The following GRIP1 variants were observed in gnomAD, a reference collection of about 807,000 sequenced individuals.
GRIP1 encodes glutamate receptor interacting protein 1, also known as glutamate receptor-interacting protein 1.
GRIP1 carries 45 observed loss-of-function variants against 129.9 expected under a neutral mutation model. The ratio of observed to expected loss-of-function variants is 0.35; its 90% CI spans 0.27 to 0.44. The LOEUF (loss-of-function observed/expected upper bound fraction) is 0.44. Among genes scored for constraint, GRIP1 ranks in the 20% least tolerant of loss-of-function variants. GRIP1 has a pLI of 1.00. For missense variants in GRIP1, 1,196 were observed against 1,396.8 expected (o/e 0.86, Z 2.29); for synonymous variants, 530 against 520.8 (o/e 1.02, Z -0.24).
intron 1 of GRIP1, among the ~76,000 whole-genome samples, chr12:66,940,166 G>A (rs905120079): frequency 6.6e-6 from 1 of 152,124 alleles, no homozygotes; most frequent in African/African-American, 2.4e-5. Context: ...GTGTGTGTGT[G>A]TGTTTGGAGC....
chr12:66,718,835 AGAGT>A (rs1328414275), intron 1 of GRIP1, among the ~76,000 whole-genome samples: 8 of 152,124 alleles, frequency 5.3e-5, no homozygotes, highest in Non-Finnish European at 2.9e-5. Flanking sequence ...CTGGGCAAAA[AGAGT>A]GAAACTCCAT....
intron 2 of GRIP1, among the ~76,000 whole-genome samples, chr12:66,585,059 T>G (rs1382736343): frequency 6.6e-6 from 1 of 152,136 alleles, no homozygotes; most frequent in African/African-American, 2.4e-5. Context: ...GATTATTTTA[T>G]TATTTTATCA....
chr12:66,456,262 A>G lies in GRIP1; in HGVS notation c.1123T>C (p.Tyr375His), dbSNP rs1418099585. The G allele has an allele frequency of 7.8e-7, 1 of 1,289,510 alleles. No individual in the cohort carries two copies. The highest frequency in any genetic ancestry group is 2.3e-5 in the Admixed American group (1 of 43,562). 79.9% of individuals were successfully genotyped at this position (1,289,510 alleles called of 1,614,324 possible). Residue 375 changes from tyrosine to histidine, a missense_variant, in exon 10 of 25, where the codon TAT (tyrosine) becomes CAT (histidine). By Grantham distance (83) the Tyr-to-His change is moderately conservative. This residue lies in a region of GRIP1 where 508 missense variants were observed against 587.0 expected (regional missense o/e 0.87). Coordinates refer to ENST00000359742, the MANE Select transcript of GRIP1 (RefSeq NM_001366722.1). ...CAATGGTCAGGGTGGTACGTGTTAT[A>G]GTGATGGTTGGTGTGAAGGCTGCTG... The part of the protein sequence containing the change: ...NHSSLHTNHH[Y>H]NTYHPDHCRV...
At chr12:66,424,432 T>C (rs2057914641) in intron 14 of GRIP1, among the ~76,000 whole-genome samples, 1 of 152,218 alleles carries the variant, frequency 6.6e-6, no homozygotes, top group African/African-American at 2.4e-5. Flanking sequence ...TCCATATTGC[T>C]AAATAATATA....
chr12:67,066,909 T>TATATATATAC (rs1555170047), intron 1 of GRIP1, among the ~76,000 whole-genome samples: 1 of 142,068 alleles, frequency 7.0e-6, no homozygotes, highest in African/African-American at 2.7e-5. Context: ...TATATATATA[T>TATATATATAC]ATACACACAC....
At chr12:66,377,569 G>C (rs1392319567) in intron 20 of GRIP1, among the ~76,000 whole-genome samples, 1 of 146,000 alleles carries the variant, frequency 6.8e-6, no homozygotes, top group Admixed American at 7.0e-5. Context: ...TCGATCTCCT[G>C]ACTTCGTGAT....
intron 1 of GRIP1, among the ~76,000 whole-genome samples, chr12:66,901,664 A>G (rs1033813911): frequency 1.3e-5 from 2 of 152,170 alleles, no homozygotes; most frequent in Non-Finnish European, 2.9e-5. Context: ...GACCTTTACA[A>G]TCAGGAACTA....
intron 1 of GRIP1, among the ~76,000 whole-genome samples, chr12:66,708,516 T>A (rs777259575): frequency 4.0e-5 from 6 of 151,876 alleles, no homozygotes; most frequent in Non-Finnish European, 8.8e-5. Context: ...CGGGCCTAGG[T>A]AGAAAATTAA....
chr12:66,686,570 C>CT (rs1191042128), intron 1 of GRIP1, among the ~76,000 whole-genome samples: 1 of 152,224 alleles, frequency 6.6e-6, no homozygotes, highest in Non-Finnish European at 1.5e-5. Context: ...AACCTGCTTG[C>CT]TGTTCCAGCT....
intron 1 of GRIP1, among the ~76,000 whole-genome samples, chr12:66,651,097 T>G (rs1006100689): frequency 2.0e-5 from 3 of 152,194 alleles, no homozygotes; most frequent in African/African-American, 7.2e-5. Flanking sequence ...TAGCTCCTCC[T>G]AGTAGAACAT....
Position 66,385,357 on chromosome 12 carries a change from G to A in GRIP1, c.2465-5921C>T, listed in dbSNP as rs1302480926. On this transcript the variant is annotated intron_variant, in intron 19 of 24. Coordinates refer to ENST00000359742, the MANE Select transcript of GRIP1 (RefSeq NM_001366722.1). Reference sequence around the variant, plus strand: ...TCAAGACCAGCCTGGACAACATGGCGAAACACCATCTCTACTAAAAACATA... The same window carrying A: ...TCAAGACCAGCCTGGACAACATGGCAAAACACCATCTCTACTAAAAACATA... Among the ~76,000 whole-genome samples, 3 of 151,990 alleles carry A rather than the reference G, an allele frequency of 2.0e-5. 1 individual carries two copies. The highest frequency in any genetic ancestry group is 4.4e-5 in the Non-Finnish European group (3 of 67,960).
At chr12:66,665,351 A>G (rs2033737746) in intron 1 of GRIP1, among the ~76,000 whole-genome samples, 1 of 152,212 alleles carries the variant, frequency 6.6e-6, no homozygotes, top group African/African-American at 2.4e-5. Context: ...AAAGAATAGT[A>G]CACAATTCAA....
intron 1 of GRIP1, among the ~76,000 whole-genome samples, chr12:67,004,026 C>A (rs939095989): frequency 6.6e-6 from 1 of 152,190 alleles, no homozygotes; most frequent in Non-Finnish European, 1.5e-5. Context: ...TCCGTCTTCA[C>A]ATCACCTTCT....
intron 7 of GRIP1, among the ~76,000 whole-genome samples, chr12:66,486,111 G>A (rs567325033): frequency 6.6e-6 from 1 of 151,968 alleles, no homozygotes; most frequent in South Asian, 2.1e-4. Context: ...CTTTTAGTGT[G>A]GTTTTACTGT....
chr12:67,056,766 A>G (rs937122122), intron 1 of GRIP1, among the ~76,000 whole-genome samples: 2 of 152,148 alleles, frequency 1.3e-5, no homozygotes, highest in African/African-American at 4.8e-5. Flanking sequence ...TATGCCACTG[A>G]ATAATCTTCC....
chr12:66,475,620 C>T (rs11176211), intron 7 of GRIP1, among the ~76,000 whole-genome samples: 6,576 of 152,220 alleles, frequency 0.043, 358 homozygotes, highest in African/African-American at 0.12. Flanking sequence ...GAAATTATAA[C>T]AAACTGTCTC....
rs180676798 is a variant in GRIP1, at chr12:66,555,448, G to A, written c.137-13498C>T. 9.2e-5 allele frequency among the ~76,000 whole-genome samples: 14 copies of A among 152,250 alleles called. No homozygotes were observed. The East Asian group carries it at 2.7e-3, about 29-fold the overall frequency. ...TGCAGAGCTCTCCCAAGAAGGATGGGTACAAACAAGCCCAGACTGCGACGA... is the reference window on the plus strand; with the variant it reads ...TGCAGAGCTCTCCCAAGAAGGATGGATACAAACAAGCCCAGACTGCGACGA... On this transcript the variant is annotated intron_variant, in intron 2 of 24. Coordinates refer to ENST00000359742, the MANE Select transcript of GRIP1 (RefSeq NM_001366722.1).
rs767056094 is a variant in GRIP1 at position 66,596,925 on chromosome 12, C to T, written c.58G>A (p.Glu20Lys). The T allele has an allele frequency of 1.9e-6, 3 of 1,607,122 alleles. No homozygotes were observed. Among genetic ancestry groups the T allele is most frequent in the African/African-American group, 1.3e-5 (1 of 74,880 alleles). ...CQILRRLTKD[E>K]SPYTKSASQT... The stretch of plus-strand genomic sequence containing the variant: ...CTGGCGGATTTAGTGTAGGGACTCT[C>T]ATCTGCAAAGGTACAATGAAGCGTT... The change falls in exon 2 of 25, where the codon GAG (glutamate) becomes AAG (lysine). Residue 20 changes from glutamate (E) to lysine (K), a missense_variant and splice_region_variant. Glu to Lys is a moderately conservative substitution (Grantham distance 56). Around this residue, in one of 5 missense-constraint regions of GRIP1, gnomAD observed 217 missense variants for 224.8 expected, o/e 0.97. Transcript: ENST00000359742.
chr12:66,967,503 ACT>A (rs2042014780), intron 1 of GRIP1, among the ~76,000 whole-genome samples: 1 of 152,108 alleles, frequency 6.6e-6, no homozygotes, highest in Non-Finnish European at 1.5e-5. Flanking sequence ...CAGGAGTTAA[ACT>A]CACAATTTTT....
Sources: gnomAD v4.1 joint callset for allele counts (sites outside exome capture counted in the v4.1 genomes callset) on GRCh38, gnomAD v4.1.1 for gene constraint, gnomAD v4.1.1 regional missense constraint, MANE v1.5 for transcripts, NCBI Gene and HGNC (gene_info 2026-07-23, HGNC 2026-07-21) for gene names.